The following BMP7 variants were observed in gnomAD, a reference collection of about 807,000 sequenced individuals.
BMP7 encodes the protein bone morphogenetic protein 7, also known as osteogenic protein 1.
Under a neutral mutation model 41.2 loss-of-function variants are expected in BMP7, and 12 were observed. The ratio of observed to expected loss-of-function variants is 0.29; its 90% CI spans 0.19 to 0.47. The LOEUF is 0.47. BMP7 is among the 20% of genes least tolerant of loss of function. The pLI, the probability that BMP7 is intolerant of heterozygous loss-of-function variation, is 0.99. For synonymous variants in BMP7, 248 were observed against 250.0 expected (o/e 0.99, Z 0.07); for missense variants, 467 against 606.0 (o/e 0.77, Z 2.41).
At position 57,213,953 on chromosome 20, in the gene BMP7, T is replaced by C. The variant is rs906741506; in HGVS notation, c.612-11330A>G. Among the ~76,000 whole-genome samples the C allele has an allele frequency of 2.0e-5, 3 of 152,098 alleles. No individual in the cohort carries two copies. Among genetic ancestry groups the C allele is most frequent in the Non-Finnish European group, 4.4e-5 (3 of 68,006 alleles). The stretch of plus-strand genomic sequence containing the variant: ...CCAGAGACTCAAGGTTCGCAGCTGG[T>C]TGGAGCAAACCTCAATGTCAGTGTG... On this transcript the variant is annotated intron_variant, in intron 2 of 6. Coordinates refer to ENST00000395863, the MANE Select transcript of BMP7 (RefSeq NM_001719.3). This position sits in a 1 kb window ranked among gnomAD's most constrained non-coding sequence, Gnocchi z 4.4.
In BMP7 at chr20:57,183,652, C is replaced by T. The variant is rs1984139659; in HGVS notation, c.958+70G>A. On this transcript the variant is annotated intron_variant, in intron 4 of 6. Transcript: ENST00000395863. ...ACCTGAATGGATTTTGAGTCAGTCTCCTGCCGGGTCCCGCCGGGGCCCTGC... is the reference window on the plus strand; with the variant it reads ...ACCTGAATGGATTTTGAGTCAGTCTTCTGCCGGGTCCCGCCGGGGCCCTGC... 12 of 1,598,772 alleles carry T rather than the reference C, an allele frequency of 7.5e-6. No individual in the cohort carries two copies. In the East Asian group the frequency reaches 2.5e-4, roughly 33 times the overall value.
intron 1 of BMP7, among the ~76,000 whole-genome samples, chr20:57,240,528 A>C (rs994717016): frequency 6.6e-6 from 1 of 152,270 alleles, no homozygotes; most frequent in South Asian, 2.1e-4. Flanking sequence ...AGTCACTTCC[A>C]CATTTTTGGG....
intron 1 of BMP7, among the ~76,000 whole-genome samples, chr20:57,234,976 G>A (rs2066042279): frequency 6.6e-6 from 1 of 152,242 alleles, no homozygotes; most frequent in Non-Finnish European, 1.5e-5. Context: ...ACCTAGGGCA[G>A]GACACAAAAC....
intron 1 of BMP7, among the ~76,000 whole-genome samples, chr20:57,245,314 T>C (rs2066085585): frequency 6.6e-6 from 1 of 152,144 alleles, no homozygotes; most frequent in Non-Finnish European, 1.5e-5. Flanking sequence ...CAGGAGAATA[T>C]GAGATCAAAA....
intron 3 of BMP7, among the ~76,000 whole-genome samples, chr20:57,191,062 G>A (rs1369251344): frequency 6.6e-6 from 1 of 152,184 alleles, no homozygotes; most frequent in African/African-American, 2.4e-5. Flanking sequence ...AGCCATGGCT[G>A]TACAAACACA....
At chr20:57,245,555 G>T (rs543710521) in intron 1 of BMP7, among the ~76,000 whole-genome samples, 1 of 151,282 alleles carries the variant, frequency 6.6e-6, no homozygotes, top group Non-Finnish European at 1.5e-5. Flanking sequence ...TATATGAAAT[G>T]TAACTGGAAG....
At chr20:57,183,395 C>T (rs2123067129) in intron 4 of BMP7, among the ~76,000 whole-genome samples, 1 of 120,678 alleles carries the variant, frequency 8.3e-6, no homozygotes, top group East Asian at 2.4e-4. Context: ...GTAAGCCCCC[C>T]CAGGGGTCTT....
intron 2 of BMP7, among the ~76,000 whole-genome samples, chr20:57,226,188 G>A (rs1259380495): frequency 6.6e-6 from 1 of 152,244 alleles, no homozygotes. Flanking sequence ...AGGCACCACA[G>A]ACCATGATGG....
In BMP7 at chr20:57,266,336, T is replaced by G. The variant is rs2066178875; in HGVS notation, c.-214A>C. On this transcript the variant is annotated 5_prime_UTR_variant, in exon 1 of 7. Coordinates refer to ENST00000395863, the MANE Select transcript of BMP7 (RefSeq NM_001719.3). ...TGGCCCCGGGCCCCTCGCCCCGCAC[T>G]CGCCCGGGCGCACCGCAGGGCTTGG... 2 of 303,186 alleles carry G rather than the reference T, an allele frequency of 6.6e-6. No homozygotes were observed. Among genetic ancestry groups the G allele is most frequent in the Admixed American group, 5.3e-5 (1 of 18,974 alleles). The allele number at this position is 303,186 out of a possible 1,614,324, so 18.8% of individuals were successfully genotyped here. A position where few individuals can be genotyped will look rare whatever the true frequency, so the allele number is the denominator to read the frequency against.
intron 1 of BMP7, among the ~76,000 whole-genome samples, chr20:57,264,496 C>G (rs750841864): frequency 5.3e-5 from 8 of 152,202 alleles, no homozygotes; most frequent in Non-Finnish European, 8.8e-5. Flanking sequence ...TTGAGCAAGT[C>G]TGGAGAATGT....
At chr20:57,252,262 AGCC>A (rs1568730376) in intron 1 of BMP7, among the ~76,000 whole-genome samples, 6 of 152,246 alleles carry the variant, frequency 3.9e-5, no homozygotes, top group Admixed American at 3.3e-4. Context: ...AAAATGTACC[AGCC>A]ATTCTTAGCC....
intron 1 of BMP7, among the ~76,000 whole-genome samples, chr20:57,237,239 G>T (rs2066051467): frequency 6.6e-6 from 1 of 152,158 alleles, no homozygotes; most frequent in Admixed American, 6.5e-5. Flanking sequence ...GGGGCTAAAA[G>T]AACTAATCGA....
At chr20:57,237,222 A>G (rs162317) in intron 1 of BMP7, among the ~76,000 whole-genome samples, 102,721 of 152,154 alleles carry the variant, frequency 0.68, 36,380 homozygotes, top group African/African-American at 0.91. Flanking sequence ...ATGAGGATGA[A>G]GCTCAAGGGG....
rs1482514391 is a variant in BMP7 at position 57,265,990 on chromosome 20, G to T, written c.133C>A (p.Arg45Ser). 2 of 1,550,366 alleles carry T rather than the reference G, an allele frequency of 1.3e-6. No individual in the cohort carries two copies. The highest frequency in any genetic ancestry group is 1.7e-6 in the Non-Finnish European group (2 of 1,147,152). Reference sequence around the variant, plus strand: ...TCCCGCCGCTCCTGGCTGCGGAGGCGCCGGTGGATGAAGCTCGAGTGCACC... The same window carrying T: ...TCCCGCCGCTCCTGGCTGCGGAGGCTCCGGTGGATGAAGCTCGAGTGCACC... ...NEVHSSFIHR[R>S]LRSQERREMQ... Residue 45 changes from arginine to serine, a missense_variant, in exon 1 of 7, where the codon CGC becomes AGC. Coordinates refer to ENST00000395863, the MANE Select transcript of BMP7 (RefSeq NM_001719.3).
intron 4 of BMP7, among the ~76,000 whole-genome samples, chr20:57,179,227 C>T (rs1300622853): frequency 2.0e-5 from 3 of 152,318 alleles, no homozygotes; most frequent in East Asian, 1.9e-4. Context: ...GGAAAGGAAA[C>T]GAAGGAGGGA....
intron 4 of BMP7, 120 bp from the exon 5 acceptor site, chr20:57,175,127 G>T: frequency 9.1e-7 from 1 of 1,101,720 alleles, no homozygotes; most frequent in Non-Finnish European, 1.3e-6. Flanking sequence ...ACGGCTGGGG[G>T]GTAAATTTCC....
rs1568734801 is a variant in BMP7 at position 57,265,835 on chromosome 20, G to GCCGCCCTCCTCCA, written c.275_287dup (p.Pro98GlyfsTer31). On this transcript the variant is annotated frameshift_variant, in exon 1 of 7. Coordinates refer to ENST00000395863, the MANE Select transcript of BMP7 (RefSeq NM_001719.3). LOFTEE classifies it high-confidence loss of function. ...AGGAGAAGCCCTGGCCGCCGGGCCC[G>GCCGCCCTCCTCCA]CCGCCCTCCTCCACCGCCATGGCGT... 2 of 1,606,276 alleles carry GCCGCCCTCCTCCA rather than the reference G, an allele frequency of 1.2e-6. No individual in the cohort carries two copies. Among genetic ancestry groups the GCCGCCCTCCTCCA allele is most frequent in the Non-Finnish European group, 1.7e-6 (2 of 1,176,896 alleles).
chr20:57,216,511 G>GGCTGTCTCCTGAGGACGAGGGC (rs1985025175), intron 2 of BMP7, among the ~76,000 whole-genome samples: 1 of 149,532 alleles, frequency 6.7e-6, no homozygotes, highest in Admixed American at 6.6e-5. Context: ...AGGGCGAGGG[G>GGCTGTCTCCTGAGGACGAGGGC]GCTGTCTCCT....
chr20:57,266,029 T>C lies in BMP7; in HGVS notation c.94A>G (p.Ser32Gly). The C allele has an allele frequency of 6.5e-7, 1 of 1,547,300 alleles. No individual in the cohort carries two copies. Residue 32 changes from serine to glycine, a missense_variant, in exon 1 of 7, where the codon AGC (serine) becomes GGC (glycine). This residue lies in a region of BMP7 where 407 missense variants were observed against 485.9 expected (regional missense o/e 0.84). Transcript: ENST00000395863. ...FLLRSALADF[S>G]LDNEVHSSFI... is the part of the protein sequence containing the mutation. Reference sequence around the variant, plus strand: ...CTCGAGTGCACCTCGTTGTCCAGGCTGAAGTCGGCCAGGGCGGAGCGCAGC... The same window carrying C: ...CTCGAGTGCACCTCGTTGTCCAGGCCGAAGTCGGCCAGGGCGGAGCGCAGC...
Sources: allele counts gnomAD v4.1 joint callset (sites outside exome capture counted in the v4.1 genomes callset), GRCh38; gene constraint gnomAD v4.1.1; regional missense constraint gnomAD v4.1.1; non-coding constraint Gnocchi (gnomAD v3.1); transcripts MANE v1.5; gene names NCBI Gene and HGNC (gene_info 2026-07-23, HGNC 2026-07-21).